RNF213: variants seen among roughly 807,000 people sequenced by gnomAD.
RNF213 encodes ring finger protein 213.
RNF213 carries 341 observed loss-of-function variants against 514.4 expected under a neutral mutation model. That is an observed-to-expected ratio of 0.66 (90% confidence interval 0.61 to 0.73). The LOEUF (loss-of-function observed/expected upper bound fraction) is 0.73. Ranked by LOEUF, RNF213 falls within the 30% of genes least tolerant of loss-of-function variation. The probability of loss-of-function intolerance (pLI) is 0.00; values close to 1 mark genes in which losing one functional copy is unlikely to be tolerated. For missense variants in RNF213, 5,767 were observed against 6,615.6 expected, an observed-to-expected ratio of 0.87 and a Z score of 4.45; for synonymous variants, 2,655 against 2,658.2, an observed-to-expected ratio of 1.00 and a Z score of 0.04.
intron 42 of RNF213, among the ~76,000 whole-genome samples, chr17:80,366,442 G>A (rs1470986697): frequency 2.0e-5 from 3 of 152,108 alleles, no homozygotes; most frequent in African/African-American, 4.8e-5. Flanking sequence ...AATGGCCACC[G>A]TGATAATTCA....
rs1427581011 is a variant in RNF213 at position 80,383,000 on chromosome 17, A to G, written c.14000A>G (p.Glu4667Gly). The change falls in exon 58 of 68, where the codon GAA (glutamate) becomes GGA (glycine). Residue 4667 changes from glutamate to glycine, a missense_variant. Glu to Gly is a moderately conservative substitution (Grantham distance 98, BLOSUM62 -2). Around this residue, in one of 13 missense-constraint regions of RNF213, gnomAD observed 1,245 missense variants for 1,339.0 expected, o/e 0.93. Coordinates refer to ENST00000582970, the MANE Select transcript of RNF213 (RefSeq NM_001256071.3). ...GTAGGGCTTTTAAATTTTGACACAGAATTGTCAACTAAAGAAATGAGGAAC... is the reference window on the plus strand; with the variant it reads ...GTAGGGCTTTTAAATTTTGACACAGGATTGTCAACTAAAGAAATGAGGAAC... ...SSRRLLNFDTELSTKEMRNNW... is the reference protein window; with the variant it reads ...SSRRLLNFDTGLSTKEMRNNW... The G allele has an allele frequency of 1.9e-6, 3 of 1,613,516 alleles. No homozygotes were observed. The highest frequency in any genetic ancestry group is 2.5e-6 in the Non-Finnish European group (3 of 1,179,578).
At position 80,263,761 on chromosome 17, in the gene RNF213, C is replaced by CTGCAG; in HGVS notation, c.81_85dup (p.Ala29ValfsTer5). ...AGCCAGTGCGGAGAGAGGCTGCCTCCTGCAGCCCCCATAGCAGGTGAGGCC... is the reference window on the plus strand; with the variant it reads ...AGCCAGTGCGGAGAGAGGCTGCCTCCTGCAGTGCAGCCCCCATAGCAGGTGAGGCC... On this transcript the variant is annotated frameshift_variant, in exon 2 of 68. Transcript: ENST00000582970. LOFTEE classifies it high-confidence loss of function. The surrounding 1 kb of genome is among the most constrained non-coding windows in gnomAD (Gnocchi z 4.9). 1 of 1,613,996 alleles carries CTGCAG rather than the reference C, an allele frequency of 6.2e-7. No individual in the cohort carries two copies. The highest frequency in any genetic ancestry group is 1.1e-5 in the South Asian group (1 of 91,082).
In RNF213 at chr17:80,375,789, A is replaced by G. The variant is rs765332800; in HGVS notation, c.13104A>G (p.Ser4368=). The change falls in exon 51 of 68, where the codon TCA becomes TCG. Residue 4368 remains serine, a synonymous_variant. Coordinates refer to ENST00000582970, the MANE Select transcript of RNF213 (RefSeq NM_001256071.3). ...KACKTPQSQQ[S]AYFLLTLFRE... ...GCAAGACCCCCCAAAGCCAGCAGTCAGCCTACTTCCTGTTAACACTGTTTA... is the reference window on the plus strand; with the variant it reads ...GCAAGACCCCCCAAAGCCAGCAGTCGGCCTACTTCCTGTTAACACTGTTTA... 1 of 1,614,136 alleles carries G rather than the reference A, an allele frequency of 6.2e-7. No homozygotes were observed. Among genetic ancestry groups the G allele is most frequent in the South Asian group, 1.1e-5 (1 of 91,082 alleles).
intron 8 of RNF213, among the ~76,000 whole-genome samples, chr17:80,292,171 G>A (rs886311566): frequency 2.6e-5 from 4 of 151,958 alleles, no homozygotes; most frequent in Non-Finnish European, 5.9e-5. Context: ...TGCAACCTCC[G>A]CCTCCCAGGG....
rs759829243 is a variant in RNF213, at chr17:80,386,325, G to A, written c.14615G>A (p.Arg4872His). The A allele has an allele frequency of 3.7e-6, 6 of 1,613,866 alleles. No individual in the cohort carries two copies. Among genetic ancestry groups the A allele is most frequent in the East Asian group, 2.2e-5 (1 of 44,892 alleles). ...ACTGAGTTTGAGATCCTCTTGCCAC[G>A]CCGACGGGGCCTGGGCCTCTGTGCT... ...LDTEFEILLPRRRGLGLCATA... is the reference protein window; with the variant it reads ...LDTEFEILLPHRRGLGLCATA... The change falls in exon 62 of 68, where the codon CGC (arginine) becomes CAC (histidine). Residue 4872 changes from arginine to histidine, a missense_variant. This residue lies in a region of RNF213 where 1,245 missense variants were observed against 1,339.0 expected (regional missense o/e 0.93). Coordinates refer to ENST00000582970, the MANE Select transcript of RNF213 (RefSeq NM_001256071.3).
Position 80,353,471 on chromosome 17 carries a change from C to T in RNF213, c.10424-41C>T, listed in dbSNP as rs1393208795. 2 of 1,576,398 alleles carry T rather than the reference C, an allele frequency of 1.3e-6. No homozygotes were observed. The highest frequency in any genetic ancestry group is 3.8e-5 in the Admixed American group (2 of 53,278). ...GGCACCGCTGCCAGTCCCTGTGCCA[C>T]CTTCTGAGTGGTAACGCAATCACGT... On this transcript the variant is annotated intron_variant, in intron 33 of 67. Transcript: ENST00000582970. The surrounding 1 kb of genome is among the most constrained non-coding windows in gnomAD (Gnocchi z 5.0).
chr17:80,336,032 A>G, intron 22 of RNF213, 129 bp from the exon 23 acceptor site: 2 of 734,320 alleles, frequency 2.7e-6, no homozygotes, highest in Non-Finnish European at 4.4e-6. Context: ...TACTGAAAGC[A>G]GAAAGTGGAC....
chr17:80,351,999 C>T (rs111771227), intron 32 of RNF213, 196 bp downstream of exon 32: 121 of 450,186 alleles, frequency 2.7e-4, no homozygotes, highest in African/African-American at 2.1e-3. Context: ...GCATTACAGG[C>T]GTGCGCCACC....
chr17:80,262,076 G>A (rs1287989750), intron 1 of RNF213, among the ~76,000 whole-genome samples: 1 of 152,130 alleles, frequency 6.6e-6, no homozygotes, highest in South Asian at 2.1e-4. Context: ...TAGCATTGGA[G>A]AAGGAAACAC....
chr17:80,299,563 TTTA>T (rs945586919), intron 11 of RNF213, among the ~76,000 whole-genome samples: 2 of 152,024 alleles, frequency 1.3e-5, no homozygotes, highest in African/African-American at 4.8e-5. Context: ...TATTTATTTA[TTTA>T]TTTTTAACTT....
intron 58 of RNF213, 40 bp from the exon 59 acceptor site, chr17:80,383,637 C>A (rs753865026): frequency 5.0e-6 from 8 of 1,610,950 alleles, no homozygotes; most frequent in Non-Finnish European, 6.8e-6. Context: ...TGTAGCAATA[C>A]CTCACTTCCA....
intron 39 of RNF213, 21 bp downstream of exon 39, chr17:80,361,909 T>A: frequency 6.2e-7 from 1 of 1,607,656 alleles, no homozygotes; most frequent in South Asian, 1.1e-5. Context: ...AGATACTGGC[T>A]AAGGGTCAGG....
intron 57 of RNF213, 33 bp from the exon 58 acceptor site, chr17:80,382,946 T>C: frequency 7.2e-7 from 1 of 1,387,842 alleles, no homozygotes; most frequent in Non-Finnish European, 1.0e-6. Context: ...CTTTGTGCCT[T>C]GGGTAACCTA....
At chr17:80,313,532 G>C (rs1053905613) in intron 15 of RNF213, among the ~76,000 whole-genome samples, 15 of 146,412 alleles carry the variant, frequency 1.0e-4, no homozygotes, top group African/African-American at 3.4e-4. Context: ...TGAAGGTGAT[G>C]GTGATGGTGG....
chr17:80,363,347 C>T, intron 40 of RNF213, 33 bp downstream of exon 40: 3 of 1,593,536 alleles, frequency 1.9e-6, no homozygotes, highest in Non-Finnish European at 2.6e-6. Flanking sequence ...CTGAGCAAGC[C>T]TTGTGGTGCT....
rs1599096344 is a variant in RNF213 at position 80,353,262 on chromosome 17, T to A, written c.10423+203T>A. 12 of 811,896 alleles carry A rather than the reference T, an allele frequency of 1.5e-5. No individual in the cohort carries two copies. In the South Asian group the frequency reaches 1.8e-4, roughly 12 times the overall value. 50.3% of individuals were successfully genotyped at this position (811,896 alleles called of 1,614,324 possible). ...CAGGTGCGCTTACCACAGGCTGAGG[T>A]AGAGCTCTGTGAGCAGGCCAGCCAT... On this transcript the variant is annotated intron_variant, in intron 33 of 67. Coordinates refer to ENST00000582970, the MANE Select transcript of RNF213 (RefSeq NM_001256071.3). The surrounding 1 kb of genome is among the most constrained non-coding windows in gnomAD (Gnocchi z 5.0).
At position 80,347,491 on chromosome 17, in the gene RNF213, G is replaced by A; in HGVS notation, c.9156G>A (p.Leu3052=). The change falls in exon 29 of 68, where the codon CTG becomes CTA. Residue 3052 remains leucine (L), a synonymous_variant. Transcript: ENST00000582970. The surrounding 1 kb of genome is among the most constrained non-coding windows in gnomAD (Gnocchi z 7.2). ...TGCTGACCAAAAACTACGTGGCACT[G>A]CAGATCCTGCAGCAGACATTCTTCG... is the stretch of plus-strand genomic sequence containing the variant. ...LLVLTKNYVA[L]QILQQTFFEG... The A allele has an allele frequency of 6.2e-7, 1 of 1,614,092 alleles. No homozygotes were observed.
chr17:80,379,519 C>A (rs2079899210), intron 54 of RNF213, 101 bp from the exon 55 acceptor site: 1 of 1,100,742 alleles, frequency 9.1e-7, no homozygotes, highest in Non-Finnish European at 1.4e-6. Context: ...TGAGGGTGCT[C>A]ACGTCTGCCG....
At chr17:80,336,974 C>T (rs1231237472) in intron 23 of RNF213, 1 of 178,732 alleles carries the variant, frequency 5.6e-6, no homozygotes, top group Non-Finnish European at 1.2e-5. Context: ...TCTGAATTGA[C>T]GTACGCAGCT....
Sources: allele counts gnomAD v4.1 joint callset (sites outside exome capture counted in the v4.1 genomes callset), GRCh38; gene constraint gnomAD v4.1.1; regional missense constraint gnomAD v4.1.1; non-coding constraint Gnocchi (gnomAD v3.1); transcripts MANE v1.5; gene names NCBI Gene and HGNC (gene_info 2026-07-23, HGNC 2026-07-21).